Variants in CACNA2D3 observed in about 807,000 individuals in gnomAD.
CACNA2D3 encodes calcium voltage-gated channel auxiliary subunit alpha2delta 3.
In CACNA2D3, 60 loss-of-function variants were observed where a neutral mutation model predicts 160.6. That is an observed-to-expected ratio of 0.37 (90% CI 0.30 to 0.46). The LOEUF is 0.46. Among genes scored for constraint, CACNA2D3 ranks in the 20% least tolerant of loss-of-function variants. The pLI is 1.00. For missense variants in CACNA2D3, 1,205 were observed against 1,365.0 expected, an observed-to-expected ratio of 0.88 and a Z score of 1.85; for synonymous variants, 558 against 492.9, an observed-to-expected ratio of 1.13 and a Z score of -1.75.
chr3:54,879,327 C>CT (rs35536476), intron 19 of CACNA2D3, 23 bp from the exon 20 acceptor site: 42,490 of 1,349,648 alleles, frequency 0.031, 69 homozygotes, highest in African/African-American at 0.072. Flanking sequence ...TTCTCTACGA[C>CT]TTTTTTTTTT....
chr3:55,035,675 G>T (rs1703801188), intron 35 of CACNA2D3, among the ~76,000 whole-genome samples: 1 of 152,162 alleles, frequency 6.6e-6, no homozygotes, highest in African/African-American at 2.4e-5. Context: ...GGCTTCAAAT[G>T]CATGCTTATC....
At chr3:54,965,927 G>A (rs1039687071) in intron 27 of CACNA2D3, among the ~76,000 whole-genome samples, 11 of 152,284 alleles carry the variant, frequency 7.2e-5, no homozygotes, top group African/African-American at 2.6e-4. Context: ...CCTGCTGGAG[G>A]GAGATCAGAG....
intron 9 of CACNA2D3, among the ~76,000 whole-genome samples, chr3:54,600,358 T>C (rs1158952793): frequency 2.6e-5 from 4 of 152,218 alleles, no homozygotes; most frequent in East Asian, 1.9e-4. Context: ...GCCTCTTTCT[T>C]ATCCTTAGAG....
intron 24 of CACNA2D3, 110 bp from the exon 25 acceptor site, chr3:54,891,239 AAAGTTT>A: frequency 1.7e-6 from 1 of 593,594 alleles, no homozygotes. Flanking sequence ...ATCTTCTTTT[AAAGTTT>A]AAGTTTCAAA....
intron 5 of CACNA2D3, among the ~76,000 whole-genome samples, chr3:54,552,351 A>C (rs1702172523): frequency 6.6e-6 from 1 of 152,138 alleles, no homozygotes; most frequent in African/African-American, 2.4e-5. Flanking sequence ...GGTGTCACCT[A>C]ATTATTTGAT....
In CACNA2D3 at chr3:54,998,605, G is replaced by A. The variant is rs762062550; in HGVS notation, c.2691-6158G>A. Among the ~76,000 whole-genome samples the A allele has an allele frequency of 3.3e-5, 5 of 152,284 alleles. No individual in the cohort carries two copies. In the East Asian group the frequency reaches 5.8e-4, roughly 18 times the overall value. ...CTGCTTAATCCACCAAATGAGTGAC[G>A]CTTTCTTGTTGCTCCCCATTCAGTG... On this transcript the variant is annotated intron_variant, in intron 31 of 37. Transcript: ENST00000474759.
intron 3 of CACNA2D3, chr3:54,385,976 T>A (rs1246251133): frequency 2.0e-6 from 1 of 506,100 alleles, no homozygotes; most frequent in Non-Finnish European, 3.9e-6. Flanking sequence ...GGGAAATATC[T>A]TATTGTAGGC....
chr3:54,170,045 A>G (rs1700534532), intron 2 of CACNA2D3, among the ~76,000 whole-genome samples: 1 of 151,872 alleles, frequency 6.6e-6, no homozygotes. Context: ...AAAATTAGCC[A>G]GGCGTGGTGG....
At chr3:54,489,283 C>A (rs757920120) in intron 4 of CACNA2D3, among the ~76,000 whole-genome samples, 4 of 152,106 alleles carry the variant, frequency 2.6e-5, no homozygotes, top group Non-Finnish European at 5.9e-5. Context: ...ATTGAGGGGC[C>A]CAAAGTGGGT....
chr3:54,809,400 G>C (rs1365976960), intron 13 of CACNA2D3, among the ~76,000 whole-genome samples: 54 of 128,524 alleles, frequency 4.2e-4, no homozygotes, highest in Non-Finnish European at 6.8e-4. Context: ...CTCACTGCAA[G>C]CTCCGCTTCC....
chr3:54,685,391 A>G (rs747913851), intron 11 of CACNA2D3, among the ~76,000 whole-genome samples: 1 of 152,260 alleles, frequency 6.6e-6, no homozygotes, highest in Non-Finnish European at 1.5e-5. Context: ...ATGAATGGGC[A>G]TAGCAGTTTT....
chr3:55,040,297 C>T (rs893028691), intron 35 of CACNA2D3, among the ~76,000 whole-genome samples: 3 of 152,150 alleles, frequency 2.0e-5, no homozygotes, highest in African/African-American at 7.2e-5. Flanking sequence ...GGGTGGGATA[C>T]AGTTCAACCC....
At chr3:54,630,912 C>G (rs1195970028) in intron 10 of CACNA2D3, among the ~76,000 whole-genome samples, 2 of 152,078 alleles carry the variant, frequency 1.3e-5, no homozygotes, top group African/African-American at 4.8e-5. Context: ...TAAAAAAACA[C>G]AATGATAGGC....
chr3:54,214,568 A>C lies in CACNA2D3; in HGVS notation c.204+90974A>C, dbSNP rs1701428862. 2.0e-5 allele frequency among the ~76,000 whole-genome samples: 3 copies of C among 152,156 alleles called. No homozygotes were observed. The South Asian group carries it at 6.2e-4, about 32-fold the overall frequency. Reference sequence around the variant, plus strand: ...CTGTGGTCCTCATCACTGGTGAACCAGTGCTTTTTGCTGTAGATTGCATGA... The same window carrying C: ...CTGTGGTCCTCATCACTGGTGAACCCGTGCTTTTTGCTGTAGATTGCATGA... On this transcript the variant is annotated intron_variant, in intron 2 of 37. Transcript: ENST00000474759.
intron 2 of CACNA2D3, among the ~76,000 whole-genome samples, chr3:54,228,805 G>C (rs1377290294): frequency 6.6e-6 from 1 of 152,192 alleles, no homozygotes; most frequent in Non-Finnish European, 1.5e-5. Context: ...ATATTGTCAA[G>C]CATGGAGTCT....
chr3:54,999,218 G>A (rs937970496), intron 31 of CACNA2D3, among the ~76,000 whole-genome samples: 4 of 152,196 alleles, frequency 2.6e-5, no homozygotes, highest in African/African-American at 9.7e-5. Context: ...GAGCAGGAGA[G>A]AAGGGAGAGC....
intron 35 of CACNA2D3, among the ~76,000 whole-genome samples, chr3:55,022,930 T>G (rs577262825): frequency 6.6e-6 from 1 of 152,228 alleles, no homozygotes; most frequent in South Asian, 2.1e-4. Context: ...CTATTACTAT[T>G]GCTGCTGCCT....
chr3:54,828,123 G>A (rs1048131266), intron 14 of CACNA2D3, among the ~76,000 whole-genome samples: 3 of 152,160 alleles, frequency 2.0e-5, no homozygotes, highest in African/African-American at 7.2e-5. Flanking sequence ...AGCATTTCAG[G>A]GGGTCTTTAA....
At chr3:55,018,786 G>A (rs1012457178) in intron 35 of CACNA2D3, among the ~76,000 whole-genome samples, 1 of 151,604 alleles carries the variant, frequency 6.6e-6, no homozygotes, top group Non-Finnish European at 1.5e-5. Context: ...GGTTATTTGG[G>A]GTTTCTGACC....
Sources: gnomAD v4.1 joint callset for allele counts (sites outside exome capture counted in the v4.1 genomes callset) on GRCh38, gnomAD v4.1.1 for gene constraint, MANE v1.5 for transcripts, NCBI Gene and HGNC (gene_info 2026-07-23, HGNC 2026-07-21) for gene names.